Variants in MEGF10 observed in about 807,000 individuals in gnomAD.
MEGF10 encodes the protein multiple epidermal growth factor-like domains protein 10.
Under a neutral mutation model 147.5 loss-of-function variants are expected in MEGF10, and 86 were observed. That is an observed-to-expected ratio of 0.58 (90% CI 0.49 to 0.70). The LOEUF is 0.70. MEGF10 is among the 30% of genes least tolerant of loss of function. MEGF10 has a pLI of 0.00. For missense variants in MEGF10, 1,329 were observed against 1,487.3 expected (o/e 0.89, Z 1.75); for synonymous variants, 478 against 525.5 (o/e 0.91, Z 1.24).
At chr5:127,240,293 C>A in the MEGF10 span, among the ~76,000 whole-genome samples, 4 of 152,170 alleles carry the variant, frequency 2.6e-5, no homozygotes, top group African/African-American at 9.7e-5. Context: ...GAAGCCCCAG[C>A]ATGGGCCTGG....
chr5:127,433,391 G>A lies in MEGF10; in HGVS notation c.1722G>A (p.Glu574=). The change falls in exon 14 of 25, where the codon GAG becomes GAA. Residue 574 remains glutamate (E), a synonymous_variant. Transcript: ENST00000503335. The part of the protein sequence containing the change: ...SGVHCDSVCA[E]GRWGPNCSLP... ...TCCACTGTGACAGCGTGTGTGCTGA[G>A]GGACGCTGGGGCCCCAACTGCTCCC... 1 of 1,614,166 alleles carries A rather than the reference G, an allele frequency of 6.2e-7. No individual in the cohort carries two copies. The highest frequency in any genetic ancestry group is 8.5e-7 in the Non-Finnish European group (1 of 1,180,020).
upstream of MEGF10, among the ~76,000 whole-genome samples, chr5:127,290,456 A>G (rs895690974): frequency 6.6e-6 from 1 of 152,108 alleles, no homozygotes; most frequent in African/African-American, 2.4e-5. Flanking sequence ...CTGCCGAGGG[A>G]CTTGCACCCA....
At chr5:127,396,895 T>C (rs1410798399) in intron 6 of MEGF10, 117 bp downstream of exon 6, 1 of 1,457,522 alleles carries the variant, frequency 6.9e-7, no homozygotes, top group East Asian at 2.3e-5. Context: ...GAGTTACTGA[T>C]GGGTCTAGGC....
At chr5:127,254,888 T>TA in the MEGF10 span, among the ~76,000 whole-genome samples, 2 of 151,640 alleles carry the variant, frequency 1.3e-5, no homozygotes, top group South Asian at 4.2e-4. Flanking sequence ...CCTGCACAGA[T>TA]AAAACCAACT....
chr5:127,347,241 T>G (rs1233002370), intron 4 of MEGF10, among the ~76,000 whole-genome samples: 1 of 152,092 alleles, frequency 6.6e-6, no homozygotes, highest in African/African-American at 2.4e-5. Flanking sequence ...ATATGTGTAC[T>G]TGTATATATG....
intron 1 of MEGF10, among the ~76,000 whole-genome samples, chr5:127,297,818 T>C (rs1759577191): frequency 6.6e-6 from 1 of 152,186 alleles, no homozygotes; most frequent in African/African-American, 2.4e-5. Flanking sequence ...CTATTGAGAT[T>C]CAAGTAAAAA....
the MEGF10 span, among the ~76,000 whole-genome samples, chr5:127,264,364 C>CAAA: frequency 6.6e-6 from 1 of 152,044 alleles, no homozygotes; most frequent in Non-Finnish European, 1.5e-5. Context: ...TGTCTGATCC[C>CAAA]AAATTCTATG....
chr5:127,261,974 T>A, the MEGF10 span, among the ~76,000 whole-genome samples: 70 of 152,320 alleles, frequency 4.6e-4, no homozygotes, highest in African/African-American at 1.7e-3. Context: ...TTTTTATTAT[T>A]GAGTTATAAT....
At chr5:127,235,183 T>C in the MEGF10 span, among the ~76,000 whole-genome samples, 1 of 152,224 alleles carries the variant, frequency 6.6e-6, no homozygotes, top group African/African-American at 2.4e-5. Context: ...TTATTGCTTA[T>C]AACTGCATTG....
chr5:127,427,529 G>A (rs1765242292), intron 13 of MEGF10, among the ~76,000 whole-genome samples: 1 of 151,874 alleles, frequency 6.6e-6, no homozygotes, highest in Non-Finnish European at 1.5e-5. Flanking sequence ...TAATCGGAAG[G>A]AGGATCACCT....
chr5:127,249,003 C>T, the MEGF10 span, among the ~76,000 whole-genome samples: 1 of 151,654 alleles, frequency 6.6e-6, no homozygotes, highest in Non-Finnish European at 1.5e-5. Flanking sequence ...GAAGATAAAA[C>T]TTAGAACTAT....
At chr5:127,349,559 T>A (rs1025629458) in intron 4 of MEGF10, among the ~76,000 whole-genome samples, 1 of 152,182 alleles carries the variant, frequency 6.6e-6, no homozygotes, top group African/African-American at 2.4e-5. Flanking sequence ...TGATTTTGAC[T>A]ACTTTAAGTC....
At chr5:127,434,853 G>A (rs1233052974) in intron 15 of MEGF10, 32 bp downstream of exon 15, 2 of 1,602,024 alleles carry the variant, frequency 1.2e-6, no homozygotes, top group Admixed American at 1.7e-5. Context: ...ACAGCTGGGT[G>A]GTGATGAGCA....
At chr5:127,434,204 G>A (rs928938209) in intron 14 of MEGF10, among the ~76,000 whole-genome samples, 8 of 151,672 alleles carry the variant, frequency 5.3e-5, no homozygotes, top group African/African-American at 1.7e-4. Flanking sequence ...ATCACTTTTC[G>A]ATTACAGTCA....
chr5:127,268,937 C>T, the MEGF10 span, among the ~76,000 whole-genome samples: 2 of 152,210 alleles, frequency 1.3e-5, no homozygotes, highest in African/African-American at 4.8e-5. Flanking sequence ...CAGCAATATT[C>T]GCTGTTCTGC....
At chr5:127,238,063 A>C in the MEGF10 span, among the ~76,000 whole-genome samples, 35 of 139,866 alleles carry the variant, frequency 2.5e-4, no homozygotes, top group Non-Finnish European at 3.9e-4. Flanking sequence ...ATATATATAT[A>C]TGTATATACT....
intron 4 of MEGF10, among the ~76,000 whole-genome samples, chr5:127,367,639 T>A (rs1317619135): frequency 6.6e-6 from 1 of 152,168 alleles, no homozygotes; most frequent in Non-Finnish European, 1.5e-5. Flanking sequence ...AAATGCACGG[T>A]GTCAAAGAAG....
At chr5:127,376,879 CA>C (rs1763051583) in intron 5 of MEGF10, among the ~76,000 whole-genome samples, 1 of 152,102 alleles carries the variant, frequency 6.6e-6, no homozygotes, top group Non-Finnish European at 1.5e-5. Context: ...CATTCAGAGC[CA>C]GTAACTTTAA....
chr5:127,245,577 G>A, the MEGF10 span, among the ~76,000 whole-genome samples: 2 of 152,224 alleles, frequency 1.3e-5, no homozygotes, highest in East Asian at 1.9e-4. Context: ...AACACCAAAC[G>A]CAATGGCAAC....
Sources: gnomAD v4.1 joint callset for allele counts (sites outside exome capture counted in the v4.1 genomes callset) on GRCh38, gnomAD v4.1.1 for gene constraint, MANE v1.5 for transcripts, NCBI Gene and HGNC (gene_info 2026-07-23, HGNC 2026-07-21) for gene names.